Variants in CYP2C19 observed in about 807,000 individuals in gnomAD.
CYP2C19 encodes cytochrome P450 family 2 subfamily C member 19.
CYP2C19 carries 59 observed loss-of-function variants against 40.9 expected under a neutral mutation model. That is an observed-to-expected ratio of 1.44 (90% CI 1.17 to 1.79). CYP2C19 has a LOEUF of 1.79. Ranked by LOEUF, CYP2C19 falls within the 40% of genes most tolerant of loss-of-function variation. The probability of loss-of-function intolerance (pLI) is 0.00; values close to 1 mark genes in which losing one functional copy is unlikely to be tolerated. For missense variants in CYP2C19, 754 were observed against 596.9 expected (o/e 1.26, Z -2.74); for synonymous variants, 253 against 208.7 (o/e 1.21, Z -1.83).
rs541198704 is a variant in CYP2C19, at chr10:94,824,778, G to A, written c.961+4141G>A. ...CCACTAACTCGTCATCTAGCATTAG[G>A]TATATCTCCCGATGCTATCCCTCCC... On this transcript the variant is annotated intron_variant, in intron 6 of 8. Transcript: ENST00000371321. Among the ~76,000 whole-genome samples the A allele has an allele frequency of 6.0e-5, 9 of 150,506 alleles. No individual in the cohort carries two copies. The South Asian group carries it at 1.5e-3, about 25-fold the overall frequency.
chr10:94,847,492 G>A (rs955916173), intron 7 of CYP2C19, among the ~76,000 whole-genome samples: 1 of 152,134 alleles, frequency 6.6e-6, no homozygotes. Context: ...GGATATTTGG[G>A]TTGATTCCAA....
At position 94,762,922 on chromosome 10, in the gene CYP2C19, T is replaced by A. The variant is rs530292726; in HGVS notation, c.168+49T>A. 7 of 1,538,554 alleles carry A rather than the reference T, an allele frequency of 4.5e-6. No individual in the cohort carries two copies. In the Admixed American group the frequency reaches 6.7e-5, roughly 15 times the overall value. ...TGCAAAAGGTAAGTAAATTCACCTG[T>A]ATTTTTTAAATAAAGTATATCCCTA... On this transcript the variant is annotated intron_variant, in intron 1 of 8. Coordinates refer to ENST00000371321, the MANE Select transcript of CYP2C19 (RefSeq NM_000769.4).
At chr10:94,780,697 C>T (rs778521013) in intron 4 of CYP2C19, 38 bp downstream of exon 4, 6 of 1,609,716 alleles carry the variant, frequency 3.7e-6, no homozygotes, top group Non-Finnish European at 5.1e-6. Context: ...AAACCACTTA[C>T]AGTCTTTTTT....
chr10:94,797,891 A>C (rs972441930), intron 5 of CYP2C19, among the ~76,000 whole-genome samples: 3 of 151,462 alleles, frequency 2.0e-5, no homozygotes, highest in Non-Finnish European at 2.9e-5. Context: ...TTTCTTCTTT[A>C]TTAGTCTTCC....
At chr10:94,793,667 G>C (rs1355005970) in intron 5 of CYP2C19, among the ~76,000 whole-genome samples, 1 of 152,138 alleles carries the variant, frequency 6.6e-6, no homozygotes, top group Non-Finnish European at 1.5e-5. Flanking sequence ...GGAGGCTGCA[G>C]AACAGCAAAT....
chr10:94,770,445 C>A (rs1848312528), intron 1 of CYP2C19, among the ~76,000 whole-genome samples: 1 of 152,124 alleles, frequency 6.6e-6, no homozygotes, highest in South Asian at 2.1e-4. Context: ...TGTCTGAGGG[C>A]CATGACTAAG....
intron 7 of CYP2C19, among the ~76,000 whole-genome samples, chr10:94,848,507 A>G (rs113798338): frequency 0.048 from 7,245 of 152,274 alleles, 230 homozygotes; most frequent in South Asian, 0.11. Context: ...GAAGTCAGGT[A>G]GTGTGATGCC....
intron 7 of CYP2C19, among the ~76,000 whole-genome samples, chr10:94,847,993 G>A (rs1180301191): frequency 3.3e-5 from 5 of 152,150 alleles, no homozygotes; most frequent in South Asian, 2.1e-4. Context: ...CGTCAGATGA[G>A]TAGATTGCAA....
intron 1 of CYP2C19, among the ~76,000 whole-genome samples, chr10:94,764,725 T>G (rs371845892): frequency 1.2e-4 from 18 of 152,232 alleles, no homozygotes; most frequent in Middle Eastern, 3.4e-3. Context: ...TCATTTGGGG[T>G]TCCATTTGTA....
rs1848794279 is a variant in CYP2C19, at chr10:94,803,523, T to C, written c.820-16973T>C. 3.3e-5 allele frequency among the ~76,000 whole-genome samples: 5 copies of C among 152,296 alleles called. No homozygotes were observed. In the South Asian group the frequency reaches 1.0e-3, roughly 32 times the overall value. ...CTGTGGAATGCAGAGTGGTCTGGGC[T>C]CCCTGCTCAGCCCCAGGGGAATCAA... On this transcript the variant is annotated intron_variant, in intron 5 of 8. Coordinates refer to ENST00000371321, the MANE Select transcript of CYP2C19 (RefSeq NM_000769.4).
At chr10:94,820,811 G>T (rs1849107633) in intron 6 of CYP2C19, among the ~76,000 whole-genome samples, 174 bp downstream of exon 6, 1 of 152,214 alleles carries the variant, frequency 6.6e-6, no homozygotes, top group Admixed American at 6.5e-5. Context: ...CTGGCCTGGT[G>T]CAGTGGCTCA....
chr10:94,780,677 G>A lies in CYP2C19; in HGVS notation c.642+18G>A, dbSNP rs748758076. 1 of 1,613,034 alleles carries A rather than the reference G, an allele frequency of 6.2e-7. No individual in the cohort carries two copies. The highest frequency in any genetic ancestry group is 2.2e-5 in the East Asian group (1 of 44,840). On this transcript the variant is annotated intron_variant, in intron 4 of 8. Transcript: ENST00000371321. ...GGATCCAGGTAAGGCCAAGTTTTTT[G>A]CTTCCTGAGAAACCACTTACAGTCT...
intron 1 of CYP2C19, among the ~76,000 whole-genome samples, chr10:94,764,656 G>T (rs948016751): frequency 6.6e-6 from 1 of 152,122 alleles, no homozygotes; most frequent in Non-Finnish European, 1.5e-5. Flanking sequence ...AACTCTTTAG[G>T]CCAGTGAAAG....
At chr10:94,767,111 A>G (rs1848256012) in intron 1 of CYP2C19, among the ~76,000 whole-genome samples, 1 of 152,160 alleles carries the variant, frequency 6.6e-6, no homozygotes, top group Non-Finnish European at 1.5e-5. Flanking sequence ...ACAGCATTTC[A>G]TTTGGACTGA....
chr10:94,843,134 G>A (rs922204138), intron 7 of CYP2C19, 110 bp downstream of exon 7: 10 of 1,350,116 alleles, frequency 7.4e-6, no homozygotes, highest in Non-Finnish European at 9.5e-6. Flanking sequence ...TTACTCCTAT[G>A]TATGGCAGTT....
intron 6 of CYP2C19, among the ~76,000 whole-genome samples, chr10:94,841,200 T>C (rs1288093404): frequency 6.6e-6 from 1 of 152,152 alleles, no homozygotes; most frequent in African/African-American, 2.4e-5. Context: ...CTGTGGGTCA[T>C]GGAAGAGAAC....
At chr10:94,816,059 G>C (rs537680741) in intron 5 of CYP2C19, among the ~76,000 whole-genome samples, 2 of 152,060 alleles carry the variant, frequency 1.3e-5, no homozygotes, top group South Asian at 2.1e-4. Flanking sequence ...AGAGGAAATA[G>C]AAGAAGTGGA....
intron 5 of CYP2C19, among the ~76,000 whole-genome samples, chr10:94,790,416 C>G (rs1028472471): frequency 6.6e-6 from 1 of 152,120 alleles, no homozygotes; most frequent in Non-Finnish European, 1.5e-5. Flanking sequence ...GCATCCTTGT[C>G]TTGTGCCAGT....
chr10:94,845,483 C>T (rs1849558870), intron 7 of CYP2C19, among the ~76,000 whole-genome samples: 1 of 152,100 alleles, frequency 6.6e-6, no homozygotes, highest in South Asian at 2.1e-4. Flanking sequence ...TAAGACTTTC[C>T]TGTCCAGTAG....
Sources: gnomAD v4.1 joint callset for allele counts (sites outside exome capture counted in the v4.1 genomes callset) on GRCh38, gnomAD v4.1.1 for gene constraint, MANE v1.5 for transcripts, NCBI Gene and HGNC (gene_info 2026-07-23, HGNC 2026-07-21) for gene names.